The following PRRG1 variants were observed in gnomAD, a reference collection of about 807,000 sequenced individuals.
The protein encoded by PRRG1 is transmembrane gamma-carboxyglutamic acid protein 1.
Under a neutral mutation model 11.8 loss-of-function variants are expected in PRRG1, and 5 were observed. That is an observed-to-expected ratio of 0.42 (90% CI 0.22 to 0.89). The LOEUF is 0.89. PRRG1 is among the 40% of genes least tolerant of loss of function. The pLI, the probability that PRRG1 is intolerant of heterozygous loss-of-function variation, is 0.28. For missense variants in PRRG1, 155 were observed against 166.1 expected (o/e 0.93, Z 0.37); for synonymous variants, 66 against 60.4 (o/e 1.09, Z -0.43).
chrX:37,443,309 C>G (rs1451523730), intron 3 of PRRG1, among the ~76,000 whole-genome samples: 1 of 111,422 alleles, frequency 9.0e-6, no homozygotes, highest in African/African-American at 3.3e-5. Context: ...GCAGTGGGGA[C>G]ACCTAGGGTA....
chrX:37,360,676 G>T (rs543066830), intron 1 of PRRG1, among the ~76,000 whole-genome samples: 2 of 112,397 alleles, frequency 1.8e-5, no homozygotes, highest in South Asian at 7.3e-4. Context: ...CCAGTTAATT[G>T]ATGGTACTAT....
intron 1 of PRRG1, among the ~76,000 whole-genome samples, chrX:37,358,748 A>G (rs1556366902): frequency 9.0e-6 from 1 of 111,672 alleles, no homozygotes; most frequent in African/African-American, 3.3e-5. Context: ...AAAAAAATTC[A>G]CAATATCACT....
intron 1 of PRRG1, among the ~76,000 whole-genome samples, chrX:37,351,367 C>T (rs1425616413): frequency 9.1e-6 from 1 of 109,614 alleles, no homozygotes. Flanking sequence ...TGGTGGTGGG[C>T]GCCTGTAGTC....
At chrX:37,364,750 G>A (rs1160182909) in intron 1 of PRRG1, among the ~76,000 whole-genome samples, 1 of 111,974 alleles carries the variant, frequency 8.9e-6, no homozygotes, top group Non-Finnish European at 1.9e-5. Context: ...TTGTGCTGTA[G>A]TTACTGGACT....
chrX:37,428,939 C>A (rs1000826761), intron 3 of PRRG1, among the ~76,000 whole-genome samples: 1 of 112,751 alleles, frequency 8.9e-6, no homozygotes, highest in African/African-American at 3.2e-5. Context: ...AGGCTCAACA[C>A]CACATGGAAG....
intron 1 of PRRG1, among the ~76,000 whole-genome samples, chrX:37,396,393 T>C (rs1187144187): frequency 1.8e-5 from 2 of 111,613 alleles, no homozygotes; most frequent in African/African-American, 6.5e-5. Flanking sequence ...TCCCACGTGT[T>C]ATGGGAGGGA....
At chrX:37,381,454 G>A (rs1179489463) in intron 1 of PRRG1, among the ~76,000 whole-genome samples, 1 of 111,105 alleles carries the variant, frequency 9.0e-6, no homozygotes, top group Non-Finnish European at 1.9e-5. Context: ...GTCTAATCTC[G>A]AAATCATAAG....
intron 1 of PRRG1, among the ~76,000 whole-genome samples, chrX:37,353,802 G>A (rs1930146625): frequency 8.9e-6 from 1 of 112,373 alleles, no homozygotes; most frequent in African/African-American, 3.2e-5. Flanking sequence ...CCAGGTATGT[G>A]TGAGTACATT....
At chrX:37,429,176 G>A (rs1339403233) in intron 3 of PRRG1, among the ~76,000 whole-genome samples, 1 of 112,134 alleles carries the variant, frequency 8.9e-6, no homozygotes, top group African/African-American at 3.2e-5. Context: ...GTGCCCTGGA[G>A]ACATTTTCCT....
intron 1 of PRRG1, among the ~76,000 whole-genome samples, chrX:37,381,661 T>G (rs1185198351): frequency 9.0e-6 from 1 of 111,619 alleles, no homozygotes; most frequent in East Asian, 2.8e-4. Context: ...CAAATGCTTA[T>G]TTTTAAACTT....
intron 3 of PRRG1, among the ~76,000 whole-genome samples, chrX:37,450,848 GTTAT>G (rs1921102139): frequency 8.9e-6 from 1 of 111,992 alleles, no homozygotes; most frequent in Non-Finnish European, 1.9e-5. Context: ...AAAAGAGTCT[GTTAT>G]TTTTTAGGAG....
intron 1 of PRRG1, among the ~76,000 whole-genome samples, chrX:37,350,436 G>A (rs1556364539): frequency 8.9e-6 from 1 of 111,733 alleles, no homozygotes; most frequent in Non-Finnish European, 1.9e-5. Context: ...TGAAAAGTTG[G>A]TTAGGCTACT....
chrX:37,392,514 C>T (rs782658986), intron 1 of PRRG1, among the ~76,000 whole-genome samples: 1 of 106,371 alleles, frequency 9.4e-6, no homozygotes, highest in South Asian at 4.3e-4. Flanking sequence ...CATGGTAAAA[C>T]CCTGTCTATA....
chrX:37,368,983 A>G (rs1276035029), intron 1 of PRRG1, among the ~76,000 whole-genome samples: 1 of 111,906 alleles, frequency 8.9e-6, no homozygotes, highest in Non-Finnish European at 1.9e-5. Flanking sequence ...TGTAGTTATT[A>G]CATGTAAAAC....
intron 1 of PRRG1, among the ~76,000 whole-genome samples, chrX:37,373,510 C>T (rs139915771): frequency 0.01 from 1,164 of 111,361 alleles, 19 homozygotes; most frequent in African/African-American, 0.036. Flanking sequence ...CTTTTACATC[C>T]TTGGTTACGT....
At chrX:37,450,992 T>TTTTGTTTTG (rs1921108585) in intron 3 of PRRG1, among the ~76,000 whole-genome samples, 18 of 106,499 alleles carry the variant, frequency 1.7e-4, no homozygotes, top group African/African-American at 5.7e-4. Flanking sequence ...ATTTTTGCTG[T>TTTTGTTTTG]TTTTGTTTTG....
chrX:37,403,964 C>T (rs1221563127), intron 1 of PRRG1, among the ~76,000 whole-genome samples: 2 of 112,048 alleles, frequency 1.8e-5, no homozygotes, highest in East Asian at 5.6e-4. Context: ...TTATCTTCCC[C>T]TGGAAGATGG....
At chrX:37,426,063 A>G in intron 3 of PRRG1, 63 bp downstream of exon 3, 4 of 1,049,340 alleles carry the variant, frequency 3.8e-6, no homozygotes, top group Non-Finnish European at 5.1e-6. Context: ...TATATTTGAA[A>G]TCTGCATCCC....
chrX:37,359,706 A>G (rs1556367116), intron 1 of PRRG1, among the ~76,000 whole-genome samples: 1 of 111,708 alleles, frequency 9.0e-6, no homozygotes, highest in East Asian at 2.8e-4. Context: ...GAACTGGTAT[A>G]GTTTATTCCT....
Sources: allele counts gnomAD v4.1 joint callset (sites outside exome capture counted in the v4.1 genomes callset), GRCh38; gene constraint gnomAD v4.1.1; transcripts MANE v1.5; gene names NCBI Gene and HGNC (gene_info 2026-07-23, HGNC 2026-07-21).